The following VRK2 variants were observed in gnomAD, a reference collection of about 807,000 sequenced individuals.
VRK2 encodes serine/threonine-protein kinase VRK2.
VRK2 carries 60 observed loss-of-function variants against 57.6 expected under a neutral mutation model. The observed-to-expected ratio is 1.04, with a 90% CI of 0.85 to 1.29. The LOEUF (loss-of-function observed/expected upper bound fraction) is 1.29. Among genes scored for constraint, VRK2 ranks in the 50% most tolerant of loss-of-function variants. The pLI is 0.00. For synonymous variants in VRK2, 231 were observed against 199.2 expected, an observed-to-expected ratio of 1.16 and a Z score of -1.35; for missense variants, 705 against 588.1, an observed-to-expected ratio of 1.20 and a Z score of -2.06.
chr2:58,047,824 T>G (rs982915804), intron 1 of VRK2, among the ~76,000 whole-genome samples: 2 of 152,150 alleles, frequency 1.3e-5, no homozygotes, highest in African/African-American at 4.8e-5. Flanking sequence ...AAAAAAGCAG[T>G]TAAGTGAAGG....
chr2:58,054,520 A>T (rs1259212918), intron 2 of VRK2, among the ~76,000 whole-genome samples: 1 of 152,090 alleles, frequency 6.6e-6, no homozygotes, highest in Non-Finnish European at 1.5e-5. Flanking sequence ...TGAAATATGG[A>T]TAGACTTCTG....
At chr2:58,122,969 A>T in intron 7 of VRK2, 132 bp from the exon 8 acceptor site, 1 of 1,142,582 alleles carries the variant, frequency 8.8e-7, no homozygotes, top group Non-Finnish European at 1.2e-6. Flanking sequence ...ATTTTATCCT[A>T]AGGCACCATT....
At chr2:58,041,923 C>A (rs185865788), upstream of VRK2, among the ~76,000 whole-genome samples, 1 of 152,048 alleles carries the variant, frequency 6.6e-6, no homozygotes, top group Non-Finnish European at 1.5e-5. Flanking sequence ...TCCTACCCCC[C>A]TTTCAAGCTG....
At chr2:58,046,455 G>A, upstream of VRK2, 1 of 978,624 alleles carries the variant, frequency 1.0e-6, no homozygotes, top group Non-Finnish European at 1.2e-6. Context: ...TTGGAAGCTC[G>A]TAGTACTCAG....
intron 4 of VRK2, among the ~76,000 whole-genome samples, chr2:58,086,007 C>G (rs533297689): frequency 7.2e-6 from 1 of 139,560 alleles, no homozygotes; most frequent in South Asian, 2.3e-4. Context: ...CTCTACTGAT[C>G]TTTTGGTGGT....
In VRK2 at chr2:58,115,502, C is replaced by G. The variant is rs552711393; in HGVS notation, c.544-7599C>G. ...CTAACAGTATTAAAGCAGCGGCAGCCGCTGCATGCAGACATGAGGGCTAGG... is the reference window on the plus strand; with the variant it reads ...CTAACAGTATTAAAGCAGCGGCAGCGGCTGCATGCAGACATGAGGGCTAGG... On this transcript the variant is annotated intron_variant, in intron 7 of 12. Transcript: ENST00000340157. 9.2e-5 allele frequency among the ~76,000 whole-genome samples: 14 copies of G among 152,204 alleles called. No homozygotes were observed. In the South Asian group the frequency reaches 1.2e-3, roughly 14 times the overall value.
At chr2:58,104,419 C>T (rs973106662) in intron 7 of VRK2, among the ~76,000 whole-genome samples, 1 of 151,618 alleles carries the variant, frequency 6.6e-6, no homozygotes, top group Non-Finnish European at 1.5e-5. Context: ...ACACCAATAA[C>T]AGTGAAGCTA....
At chr2:58,013,289 T>C (rs543707854) in intron 1 of VRK2, among the ~76,000 whole-genome samples, 1 of 152,236 alleles carries the variant, frequency 6.6e-6, no homozygotes, top group Non-Finnish European at 1.5e-5. Flanking sequence ...TTTATGTAAC[T>C]TCCATTCAAA....
intron 1 of VRK2, among the ~76,000 whole-genome samples, chr2:57,923,519 G>A (rs1207522739): frequency 7.5e-6 from 1 of 133,852 alleles, no homozygotes; most frequent in Non-Finnish European, 1.7e-5. Flanking sequence ...TTTGCCATTT[G>A]TATGTTTTTT....
chr2:58,067,059 T>A (rs536947324), intron 2 of VRK2, among the ~76,000 whole-genome samples: 1 of 152,102 alleles, frequency 6.6e-6, no homozygotes, highest in African/African-American at 2.4e-5. Context: ...ACTTGCTGAG[T>A]GTTCCAACCC....
intron 1 of VRK2, among the ~76,000 whole-genome samples, chr2:57,972,053 C>T (rs965888313): frequency 6.6e-6 from 1 of 151,792 alleles, no homozygotes; most frequent in Non-Finnish European, 1.5e-5. Flanking sequence ...TAGTTTTTTA[C>T]AGCATCCTTG....
chr2:58,159,442 C>T lies in VRK2; in HGVS notation c.1276C>T (p.Pro426Ser), dbSNP rs1259142882. The T allele has an allele frequency of 1.2e-6, 2 of 1,613,390 alleles. No homozygotes were observed. The highest frequency in any genetic ancestry group is 2.2e-5 in the East Asian group (1 of 44,854). ...ACAAAAAATCAGCTATACACAATTC[C>T]CAAACTCATTTTATGAGCCTCATCA... ...FPQKISYTQF[P>S]NSFYEPHQDF... is the part of the protein sequence containing the mutation. Residue 426 changes from proline to serine, a missense_variant, in exon 13 of 13, where the codon CCA becomes TCA. Transcript: ENST00000340157.
chr2:58,120,573 CT>C (rs1677323599), intron 7 of VRK2, among the ~76,000 whole-genome samples: 1 of 152,108 alleles, frequency 6.6e-6, no homozygotes, highest in East Asian at 1.9e-4. Flanking sequence ...AGGCCTGTAG[CT>C]TAGTGATGAC....
chr2:57,933,034 ATCC>A (rs1370360062), intron 1 of VRK2, among the ~76,000 whole-genome samples: 1 of 152,000 alleles, frequency 6.6e-6, no homozygotes, highest in East Asian at 1.9e-4. Flanking sequence ...TTTGGAAAAG[ATCC>A]TTGATATGGT....
intron 7 of VRK2, among the ~76,000 whole-genome samples, chr2:58,115,816 G>C (rs1295013765): frequency 6.6e-6 from 1 of 152,222 alleles, no homozygotes; most frequent in Non-Finnish European, 1.5e-5. Context: ...GTAATTTGCT[G>C]AGCCTAATGT....
chr2:58,048,429 C>G, intron 1 of VRK2: 2 of 665,632 alleles, frequency 3.0e-6, no homozygotes, highest in Non-Finnish European at 4.4e-6. Context: ...GACCTTCTCA[C>G]TTTTAACATT....
chr2:58,014,912 ACT>A (rs1673529458), intron 1 of VRK2, among the ~76,000 whole-genome samples: 1 of 152,042 alleles, frequency 6.6e-6, no homozygotes, highest in Non-Finnish European at 1.5e-5. Flanking sequence ...CCAAGTGGAA[ACT>A]CTGCTTCTTT....
At chr2:58,016,906 T>A (rs959115735) in intron 1 of VRK2, among the ~76,000 whole-genome samples, 1 of 152,182 alleles carries the variant, frequency 6.6e-6, no homozygotes, top group Non-Finnish European at 1.5e-5. Flanking sequence ...ACTGGCGAAT[T>A]TTCTGTTTGC....
intron 1 of VRK2, among the ~76,000 whole-genome samples, chr2:57,910,367 A>C (rs1456046080): frequency 2.0e-5 from 3 of 152,208 alleles, no homozygotes; most frequent in African/African-American, 7.2e-5. Flanking sequence ...AATAAAACAC[A>C]ACGCTCAGCT....
Sources: allele counts gnomAD v4.1 joint callset (sites outside exome capture counted in the v4.1 genomes callset), GRCh38; gene constraint gnomAD v4.1.1; transcripts MANE v1.5; gene names NCBI Gene and HGNC (gene_info 2026-07-23, HGNC 2026-07-21).